Variants in VIRMA observed in about 807,000 individuals in gnomAD.
VIRMA encodes vir like m6A methyltransferase associated.
In VIRMA, 65 loss-of-function variants were observed where a neutral mutation model predicts 182.4. That is an observed-to-expected ratio of 0.36 (90% confidence interval 0.29 to 0.44). The LOEUF (loss-of-function observed/expected upper bound fraction) is 0.44, where lower values mean the gene tolerates loss of function less well. VIRMA is among the 20% of genes least tolerant of loss of function. VIRMA has a pLI of 1.00. For synonymous variants in VIRMA, 709 were observed against 743.1 expected (o/e 0.95, Z 0.75); for missense variants, 1,752 against 2,158.1 (o/e 0.81, Z 3.73).
chr8:94,537,318 TA>T (rs113060517), intron 3 of VIRMA, among the ~76,000 whole-genome samples, 167 bp from the exon 4 acceptor site: 24 of 152,188 alleles, frequency 1.6e-4, no homozygotes, highest in Admixed American at 7.9e-4. Context: ...AAAATGTGAT[TA>T]AAAAAAATCA....
intron 5 of VIRMA, chr8:94,534,330 G>T (rs975455168): frequency 6.5e-6 from 1 of 153,148 alleles, no homozygotes. Context: ...AGTAAACCAT[G>T]AATAGTCACT....
Position 94,509,705 on chromosome 8 carries a change from G to A in VIRMA, c.3862C>T (p.Gln1288Ter). ...QCVEYVTSILQSLCDQDIALI... is the reference protein window; with the variant it reads ...QCVEYVTSIL ...ATAAATACCTGATCACAGAGAGACTGCAAAATGGATGTGACATATTCAACA... is the reference window on the plus strand; with the variant it reads ...ATAAATACCTGATCACAGAGAGACTACAAAATGGATGTGACATATTCAACA... The change falls in exon 15 of 24, where the codon CAG (glutamine) becomes TAG (stop). Residue 1288 changes from glutamine (Q) to a stop codon, truncating the protein, a stop_gained. Coordinates refer to ENST00000297591, the MANE Select transcript of VIRMA (RefSeq NM_015496.5). LOFTEE classifies it high-confidence loss of function. The A allele has an allele frequency of 6.2e-7, 1 of 1,613,180 alleles. No homozygotes were observed.
chr8:94,490,650 C>G (rs968347615), intron 22 of VIRMA, among the ~76,000 whole-genome samples: 37 of 151,544 alleles, frequency 2.4e-4, no homozygotes, highest in African/African-American at 8.7e-4. Context: ...AGTTCGAGAC[C>G]AGCCCGGCCA....
At chr8:94,491,958 G>A in intron 21 of VIRMA, 49 bp from the exon 22 acceptor site, 1 of 1,406,474 alleles carries the variant, frequency 7.1e-7, no homozygotes, top group Non-Finnish European at 9.5e-7. Context: ...CAGGTTTCTA[G>A]CAAAAATAAT....
In VIRMA at chr8:94,511,438, G is replaced by A. The variant is rs1563464106; in HGVS notation, c.3137C>T (p.Ser1046Phe). Residue 1046 changes from serine to phenylalanine, a missense_variant, in exon 13 of 24, where the codon TCT (serine) becomes TTT (phenylalanine). Ser to Phe is a radical substitution (Grantham distance 155, BLOSUM62 -2). Around this residue, in one of 11 missense-constraint regions of VIRMA, gnomAD observed 777 missense variants for 920.6 expected, o/e 0.84. Transcript: ENST00000297591. ...ATCCAAACGACCTGAGAGGGGGATA[G>A]AGCACAGGAGCATATGTAAAGTAAC... ...ALVTLHMLLC[S>F]IPLSGRLDSD... 3.1e-6 allele frequency: 5 copies of A among 1,614,136 alleles called. No individual in the cohort carries two copies. Among genetic ancestry groups the A allele is most frequent in the African/African-American group, 1.3e-5 (1 of 75,040 alleles).
intron 2 of VIRMA, among the ~76,000 whole-genome samples, chr8:94,543,550 T>C (rs1815651424): frequency 1.3e-5 from 2 of 151,768 alleles, no homozygotes; most frequent in Admixed American, 6.6e-5. Context: ...CCCCAGGATA[T>C]TTTAGAAAAC....
intron 20 of VIRMA, 66 bp downstream of exon 20, chr8:94,494,794 C>T (rs893460375): frequency 1.3e-5 from 12 of 956,186 alleles, no homozygotes; most frequent in African/African-American, 1.1e-4. Flanking sequence ...TATTATAATG[C>T]TAACAATATA....
At chr8:94,517,996 C>CG in intron 9 of VIRMA, 54 bp from the exon 10 acceptor site, 1 of 1,445,980 alleles carries the variant, frequency 6.9e-7, no homozygotes, top group South Asian at 1.2e-5. Flanking sequence ...TTTTTAGGAA[C>CG]AATTTTTAAA....
Position 94,506,009 on chromosome 8 carries a change from A to G in VIRMA, c.4097+491T>C, listed in dbSNP as rs554526705. Among the ~76,000 whole-genome samples the G allele has an allele frequency of 5.3e-5, 8 of 152,366 alleles. No homozygotes were observed. The South Asian group carries it at 1.2e-3, about 24-fold the overall frequency. On this transcript the variant is annotated intron_variant, in intron 16 of 23. Coordinates refer to ENST00000297591, the MANE Select transcript of VIRMA (RefSeq NM_015496.5). ...CATTCACACTGTATTATTAGGTATT[A>G]TAAGTAATCTAAGGTGATTTCAAGT... is the stretch of plus-strand genomic sequence containing the variant.
At chr8:94,505,331 C>G (rs750758606) in intron 16 of VIRMA, among the ~76,000 whole-genome samples, 1 of 152,130 alleles carries the variant, frequency 6.6e-6, no homozygotes, top group Non-Finnish European at 1.5e-5. Context: ...ATCTCATAAT[C>G]CCATGTAGTT....
At chr8:94,542,061 C>T (rs1041845237) in intron 2 of VIRMA, among the ~76,000 whole-genome samples, 3 of 152,304 alleles carry the variant, frequency 2.0e-5, no homozygotes, top group South Asian at 2.1e-4. Flanking sequence ...AGTTTGCTTG[C>T]TATGGTAGCC....
intron 2 of VIRMA, among the ~76,000 whole-genome samples, chr8:94,541,207 T>TA (rs2130383664): frequency 6.6e-6 from 1 of 151,418 alleles, no homozygotes; most frequent in South Asian, 2.1e-4. Flanking sequence ...CTGCAACTCT[T>TA]AACTCCTGGG....
intron 8 of VIRMA, among the ~76,000 whole-genome samples, chr8:94,525,342 C>T (rs75311065): frequency 1.3e-3 from 201 of 152,346 alleles, no homozygotes; most frequent in Middle Eastern, 3.4e-3. Context: ...TATAATAACA[C>T]TTCCTTTACT....
At chr8:94,495,543 T>C (rs1218488759) in intron 19 of VIRMA, among the ~76,000 whole-genome samples, 188 bp downstream of exon 19, 3 of 141,606 alleles carry the variant, frequency 2.1e-5, no homozygotes, top group Non-Finnish European at 3.0e-5. Context: ...CAAGCTAGCA[T>C]AGTTTGTATA....
Position 94,518,864 on chromosome 8 carries a change from G to T in VIRMA, c.2513+121C>A, listed in dbSNP as rs1408992059. ...CTCTAACCTTTAATTAACAAGTTTT[G>T]TGTTATATCAAAACTATAGTTTTTC... On this transcript the variant is annotated intron_variant, in intron 9 of 23. Transcript: ENST00000297591. The T allele has an allele frequency of 1.6e-5, 14 of 901,604 alleles. No homozygotes were observed. The East Asian group carries it at 2.9e-4, about 19-fold the overall frequency. 55.9% of individuals were successfully genotyped at this position (901,604 alleles called of 1,614,324 possible).
intron 11 of VIRMA, among the ~76,000 whole-genome samples, chr8:94,514,392 T>C (rs1563466141): frequency 6.6e-6 from 1 of 152,246 alleles, no homozygotes; most frequent in Non-Finnish European, 1.5e-5. Flanking sequence ...TTAACTGTTA[T>C]GAATTATTTC....
chr8:94,548,356 G>T (rs999706565), intron 1 of VIRMA, among the ~76,000 whole-genome samples: 1 of 151,042 alleles, frequency 6.6e-6, no homozygotes, highest in African/African-American at 2.5e-5. Flanking sequence ...TAATATTAAC[G>T]TGGGCAACGG....
chr8:94,526,367 C>A lies in VIRMA; in HGVS notation c.1877G>T (p.Arg626Met). 1 of 1,614,102 alleles carries A rather than the reference C, an allele frequency of 6.2e-7. No homozygotes were observed. The highest frequency in any genetic ancestry group is 1.6e-4 in the Middle Eastern group (1 of 6,062). Residue 626 changes from arginine to methionine, a missense_variant, in exon 8 of 24, where the codon AGG (arginine) becomes ATG (methionine). Transcript: ENST00000297591. ...SSNISEGEIE[R>M]LINLLEEVFH... Reference sequence around the variant, plus strand: ...AACTTCTTCTAGGAGGTTAATAAGCCTTTCTATTTCCCCTTCACTTATATT... The same window carrying A: ...AACTTCTTCTAGGAGGTTAATAAGCATTTCTATTTCCCCTTCACTTATATT...
chr8:94,515,087 T>G, intron 10 of VIRMA, 136 bp from the exon 11 acceptor site: 1 of 467,852 alleles, frequency 2.1e-6, no homozygotes, highest in Non-Finnish European at 3.7e-6. Flanking sequence ...GGGATGGACA[T>G]GCATCTAATT....
Sources: allele counts gnomAD v4.1 joint callset (sites outside exome capture counted in the v4.1 genomes callset), GRCh38; gene constraint gnomAD v4.1.1; regional missense constraint gnomAD v4.1.1; transcripts MANE v1.5; gene names NCBI Gene and HGNC (gene_info 2026-07-23, HGNC 2026-07-21).